The following THSD4 variants were observed in gnomAD, a reference collection of about 807,000 sequenced individuals.
The protein encoded by THSD4 is thrombospondin type-1 domain-containing protein 4.
A neutral mutation model predicts 119.0 loss-of-function variants in THSD4; 69 were observed. That is an observed-to-expected ratio of 0.58 (90% CI 0.48 to 0.71). The LOEUF (loss-of-function observed/expected upper bound fraction) is 0.71. THSD4 is among the 30% of genes least tolerant of loss of function. THSD4 has a pLI of 0.00. For synonymous variants in THSD4, 524 were observed against 540.4 expected, an observed-to-expected ratio of 0.97 and a Z score of 0.42; for missense variants, 1,393 against 1,391.1, an observed-to-expected ratio of 1.00 and a Z score of -0.02.
intron 8 of THSD4, among the ~76,000 whole-genome samples, chr15:71,673,701 A>G (rs970265412): frequency 6.6e-6 from 1 of 152,102 alleles, no homozygotes; most frequent in Non-Finnish European, 1.5e-5. Flanking sequence ...CTTTGTTCTC[A>G]TTGGTTTCAA....
At chr15:71,717,072 T>C (rs970746227) in intron 8 of THSD4, among the ~76,000 whole-genome samples, 6 of 152,222 alleles carry the variant, frequency 3.9e-5, no homozygotes, top group Non-Finnish European at 5.9e-5. Context: ...TGCATACATA[T>C]GTGAGCCCTG....
chr15:71,735,172 A>G (rs1399122045), intron 10 of THSD4, among the ~76,000 whole-genome samples: 1 of 152,164 alleles, frequency 6.6e-6, no homozygotes, highest in Non-Finnish European at 1.5e-5. Context: ...AACATTGGCT[A>G]GACCCCCCTG....
intron 4 of THSD4, among the ~76,000 whole-genome samples, chr15:71,230,263 C>A (rs2044049655): frequency 6.6e-6 from 1 of 152,144 alleles, no homozygotes; most frequent in Admixed American, 6.5e-5. Context: ...AGATTACAAC[C>A]CATACTAACA....
intron 5 of THSD4, among the ~76,000 whole-genome samples, chr15:71,248,328 A>T (rs1189087551): frequency 6.6e-6 from 1 of 152,022 alleles, no homozygotes; most frequent in Non-Finnish European, 1.5e-5. Context: ...TGTCTTGGGG[A>T]CTTAGGTGTC....
chr15:71,242,616 T>C (rs2044162477), intron 4 of THSD4, 33 bp from the exon 5 acceptor site: 2 of 1,598,060 alleles, frequency 1.3e-6, no homozygotes, highest in South Asian at 1.1e-5. Context: ...CATCCGACTC[T>C]GATCATCTCC....
chr15:71,350,064 C>A (rs3784384), intron 6 of THSD4, among the ~76,000 whole-genome samples: 29,948 of 150,600 alleles, frequency 0.2, 3,809 homozygotes, highest in East Asian at 0.55. Context: ...TTTATTCTAG[C>A]ACATTTATAG....
intron 6 of THSD4, among the ~76,000 whole-genome samples, chr15:71,263,331 G>A (rs865844616): frequency 5.0e-5 from 7 of 138,894 alleles, no homozygotes; most frequent in South Asian, 2.3e-4. Context: ...GTATTCCATG[G>A]TATATATATA....
At chr15:71,495,027 CCA>C (rs1178385503) in intron 7 of THSD4, among the ~76,000 whole-genome samples, 2 of 152,082 alleles carry the variant, frequency 1.3e-5, no homozygotes, top group African/African-American at 2.4e-5. Flanking sequence ...TGGCTCAGGC[CCA>C]GTGACGGGTG....
chr15:71,219,238 A>C (rs1188266052), intron 4 of THSD4, among the ~76,000 whole-genome samples: 2 of 152,014 alleles, frequency 1.3e-5, no homozygotes, highest in African/African-American at 4.8e-5. Flanking sequence ...CCCACGTCAC[A>C]CTCCAAACCA....
At chr15:71,661,975 A>G (rs1011482414) in intron 8 of THSD4, among the ~76,000 whole-genome samples, 1 of 152,162 alleles carries the variant, frequency 6.6e-6, no homozygotes, top group South Asian at 2.1e-4. Context: ...TACCTTGCCA[A>G]GCTCACCATA....
At chr15:71,542,345 A>G (rs1228125831) in intron 7 of THSD4, among the ~76,000 whole-genome samples, 3 of 152,292 alleles carry the variant, frequency 2.0e-5, no homozygotes, top group South Asian at 2.1e-4. Context: ...TCTTAATTCT[A>G]TGGGATTTAC....
At chr15:71,338,434 C>G (rs561290737) in intron 6 of THSD4, among the ~76,000 whole-genome samples, 1 of 152,014 alleles carries the variant, frequency 6.6e-6, no homozygotes. Context: ...CATACTCGCG[C>G]GTGGATCCTA....
At chr15:71,304,610 A>ATGTTCTT (rs2044998120) in intron 6 of THSD4, among the ~76,000 whole-genome samples, 1 of 152,180 alleles carries the variant, frequency 6.6e-6, no homozygotes, top group African/African-American at 2.4e-5. Flanking sequence ...GGGGAAACAC[A>ATGTTCTT]AGAACATTAC....
At chr15:71,748,283 C>A in intron 13 of THSD4, 138 bp from the exon 14 acceptor site, 1 of 1,045,060 alleles carries the variant, frequency 9.6e-7, no homozygotes, top group African/African-American at 1.6e-5. Context: ...GGGCTCAGAT[C>A]CCTGCCCCAG....
intron 13 of THSD4, among the ~76,000 whole-genome samples, chr15:71,747,831 G>T (rs2053368649): frequency 6.6e-6 from 1 of 152,200 alleles, no homozygotes; most frequent in African/African-American, 2.4e-5. Context: ...AAGATTTGAG[G>T]AACTGACAAT....
chr15:71,541,297 T>C (rs1053709010), intron 7 of THSD4, among the ~76,000 whole-genome samples: 1 of 152,236 alleles, frequency 6.6e-6, no homozygotes, highest in South Asian at 2.1e-4. Context: ...TTGTATGAAG[T>C]GCATTTTACA....
chr15:71,408,460 C>T (rs1286125933), intron 6 of THSD4, among the ~76,000 whole-genome samples: 7 of 152,024 alleles, frequency 4.6e-5, no homozygotes, highest in South Asian at 2.1e-4. Flanking sequence ...CTTGGACTCC[C>T]GGGCTCAAGC....
At chr15:71,332,892 A>ATTTTTTTATTTTTTTTTTTTTTTTTTTTT (rs2045442088) in intron 6 of THSD4, among the ~76,000 whole-genome samples, 1 of 76,940 alleles carries the variant, frequency 1.3e-5, no homozygotes, top group Admixed American at 2.1e-4. Flanking sequence ...ATTTTTTTAC[A>ATTTTTTTATTTTTTTTTTTTTTTTTTTTT]TTTTTTTTTT....
intron 7 of THSD4, among the ~76,000 whole-genome samples, chr15:71,599,661 T>C (rs2049970314): frequency 6.6e-6 from 1 of 152,218 alleles, no homozygotes; most frequent in South Asian, 2.1e-4. Flanking sequence ...CCCTGCTCCA[T>C]TTTCTTCATA....
Sources: allele counts gnomAD v4.1 joint callset (sites outside exome capture counted in the v4.1 genomes callset), GRCh38; gene constraint gnomAD v4.1.1; transcripts MANE v1.5; gene names NCBI Gene and HGNC (gene_info 2026-07-23, HGNC 2026-07-21).